CNTNAP2: variants seen among roughly 807,000 people sequenced by gnomAD.
CNTNAP2 encodes contactin-associated protein-like 2.
A neutral mutation model predicts 155.2 loss-of-function variants in CNTNAP2; 98 were observed. The observed-to-expected ratio is 0.63, with a 90% CI of 0.54 to 0.75. The LOEUF (loss-of-function observed/expected upper bound fraction) is 0.75, where lower values mean the gene tolerates loss of function less well. Ranked by LOEUF, CNTNAP2 falls within the 30% of genes least tolerant of loss-of-function variation. The probability of loss-of-function intolerance (pLI) is 0.00; values close to 1 mark genes in which losing one functional copy is unlikely to be tolerated. For missense variants in CNTNAP2, 1,727 were observed against 1,688.1 expected, an observed-to-expected ratio of 1.02 and a Z score of -0.40; for synonymous variants, 651 against 631.2, an observed-to-expected ratio of 1.03 and a Z score of -0.47.
chr7:146,389,696 C>CTTTTTT (rs1408040421), intron 1 of CNTNAP2, among the ~76,000 whole-genome samples: 62 of 140,800 alleles, frequency 4.4e-4, no homozygotes, highest in African/African-American at 1.6e-3. Flanking sequence ...TTTTTCTTTT[C>CTTTTTT]TTTTTTCTTT....
chr7:147,114,083 C>G lies in CNTNAP2; in HGVS notation c.754+5733C>G, dbSNP rs182018828. Among the ~76,000 whole-genome samples the G allele has an allele frequency of 4.6e-3, 695 of 152,236 alleles. 1 individual carries two copies. The highest frequency in any genetic ancestry group is 8.2e-3 in the Non-Finnish European group (561 of 68,002). On this transcript the variant is annotated intron_variant, in intron 5 of 23. Coordinates refer to ENST00000361727, the MANE Select transcript of CNTNAP2 (RefSeq NM_014141.6). ...AATTTCATTATTTACCCAAGAGTCA[C>G]TAAGGAGCAGGTTGTTCACTTTCCA...
Position 146,959,293 on chromosome 7 carries a change from G to T in CNTNAP2, c.403-84614G>T, listed in dbSNP as rs188770114. On this transcript the variant is annotated intron_variant, in intron 3 of 23. Transcript: ENST00000361727. ...TCGGCCTCCCAAAGTGAGCCACCGC[G>T]CCAGGCCTAGGATCATGACTTTTAT... 3.3e-5 allele frequency among the ~76,000 whole-genome samples: 5 copies of T among 152,214 alleles called. No homozygotes were observed. The East Asian group carries it at 5.8e-4, about 18-fold the overall frequency.
chr7:146,155,269 C>T (rs954326861), intron 1 of CNTNAP2, among the ~76,000 whole-genome samples: 2 of 152,094 alleles, frequency 1.3e-5, no homozygotes, highest in Non-Finnish European at 2.9e-5. Flanking sequence ...TTTAAATCAC[C>T]GATACTAGTT....
intron 3 of CNTNAP2, among the ~76,000 whole-genome samples, chr7:146,925,328 G>A (rs963035345): frequency 6.6e-6 from 1 of 151,780 alleles, no homozygotes; most frequent in Non-Finnish European, 1.5e-5. Flanking sequence ...TTAAACATGA[G>A]AATGAATTTA....
intron 4 of CNTNAP2, among the ~76,000 whole-genome samples, chr7:147,057,600 C>T (rs1012624741): frequency 5.9e-5 from 9 of 152,096 alleles, no homozygotes; most frequent in Non-Finnish European, 1.3e-4. Context: ...TGGCTTCTAC[C>T]CATTCAATAC....
intron 3 of CNTNAP2, among the ~76,000 whole-genome samples, chr7:146,940,269 G>A (rs1027208002): frequency 9.9e-5 from 15 of 152,016 alleles, no homozygotes; most frequent in African/African-American, 3.6e-4. Flanking sequence ...GCAGTGGCAC[G>A]ATTTGGGCTC....
chr7:147,688,145 G>A (rs1045423217), intron 13 of CNTNAP2, among the ~76,000 whole-genome samples: 1 of 151,742 alleles, frequency 6.6e-6, no homozygotes, highest in African/African-American at 2.4e-5. Flanking sequence ...TAAATATTTT[G>A]CCTTTAAAAA....
intron 15 of CNTNAP2, among the ~76,000 whole-genome samples, chr7:148,099,868 GTTTTTTTTTTTT>G (rs751537152): frequency 1.1e-5 from 1 of 88,806 alleles, no homozygotes; most frequent in Non-Finnish European, 2.0e-5. Flanking sequence ...TTTTTTTTTG[GTTTTTTTTTTTT>G]TTTTTTTTTT....
chr7:147,055,146 C>G (rs1799535981), intron 4 of CNTNAP2, among the ~76,000 whole-genome samples: 1 of 152,088 alleles, frequency 6.6e-6, no homozygotes, highest in African/African-American at 2.4e-5. Flanking sequence ...ATAATATTTG[C>G]TAGGAAAAAA....
At chr7:146,792,662 T>C (rs1325507173) in intron 2 of CNTNAP2, among the ~76,000 whole-genome samples, 1 of 152,280 alleles carries the variant, frequency 6.6e-6, no homozygotes, top group African/African-American at 2.4e-5. Context: ...ATCTGAAAAG[T>C]TGACAAGGGA....
At position 146,761,696 on chromosome 7, in the gene CNTNAP2, C is replaced by T. The variant is rs562273911; in HGVS notation, c.98-12575C>T. Among the ~76,000 whole-genome samples the T allele has an allele frequency of 2.0e-5, 3 of 151,476 alleles. No individual in the cohort carries two copies. The South Asian group carries it at 6.2e-4, about 31-fold the overall frequency. Reference sequence around the variant, plus strand: ...TTTTAAATATTAAAACTGTCCTTACCCCTTCAGGCAGAACTTACCTTGCCT... The same window carrying T: ...TTTTAAATATTAAAACTGTCCTTACTCCTTCAGGCAGAACTTACCTTGCCT... On this transcript the variant is annotated intron_variant, in intron 1 of 23. Transcript: ENST00000361727.
chr7:146,429,646 T>C (rs1468398507), intron 1 of CNTNAP2, among the ~76,000 whole-genome samples: 1 of 152,172 alleles, frequency 6.6e-6, no homozygotes, highest in Non-Finnish European at 1.5e-5. Context: ...TGGGGTTTTC[T>C]AGATACAGTG....
chr7:148,249,901 TC>T (rs1452030510), intron 20 of CNTNAP2, among the ~76,000 whole-genome samples: 3 of 152,202 alleles, frequency 2.0e-5, no homozygotes, highest in Non-Finnish European at 4.4e-5. Context: ...CTGACGGGTC[TC>T]CAAGCTTCCT....
chr7:147,644,783 A>T (rs1795339117), intron 13 of CNTNAP2, among the ~76,000 whole-genome samples: 1 of 152,188 alleles, frequency 6.6e-6, no homozygotes, highest in Non-Finnish European at 1.5e-5. Flanking sequence ...GCTGCCATTA[A>T]AATGTTTATT....
chr7:147,430,846 C>T (rs1010546031), intron 10 of CNTNAP2, among the ~76,000 whole-genome samples: 8 of 152,022 alleles, frequency 5.3e-5, no homozygotes, highest in African/African-American at 1.9e-4. Context: ...GGGTGGATCA[C>T]GAGGTCAGGA....
At chr7:146,425,019 A>T (rs1584919078) in intron 1 of CNTNAP2, among the ~76,000 whole-genome samples, 1 of 152,318 alleles carries the variant, frequency 6.6e-6, no homozygotes, top group African/African-American at 2.4e-5. Context: ...ATTAATCACT[A>T]GGTATAAAAA....
intron 1 of CNTNAP2, among the ~76,000 whole-genome samples, chr7:146,596,703 G>T (rs1798867842): frequency 6.6e-6 from 1 of 151,478 alleles, no homozygotes; most frequent in Non-Finnish European, 1.5e-5. Flanking sequence ...GTAGTTTAGA[G>T]ACTACAGGTT....
At chr7:146,627,545 G>A (rs930394774) in intron 1 of CNTNAP2, among the ~76,000 whole-genome samples, 1 of 152,068 alleles carries the variant, frequency 6.6e-6, no homozygotes, top group Non-Finnish European at 1.5e-5. Flanking sequence ...TCATTCTCTT[G>A]TAATGTCTAG....
chr7:147,522,348 A>G (rs1367543464), intron 11 of CNTNAP2, among the ~76,000 whole-genome samples: 1 of 152,218 alleles, frequency 6.6e-6, no homozygotes, highest in Non-Finnish European at 1.5e-5. Flanking sequence ...CCTAATAACT[A>G]TTATCCAAAC....
Sources: allele counts gnomAD v4.1 joint callset (sites outside exome capture counted in the v4.1 genomes callset), GRCh38; gene constraint gnomAD v4.1.1; transcripts MANE v1.5; gene names NCBI Gene and HGNC (gene_info 2026-07-23, HGNC 2026-07-21).